Variants in COL24A1 observed in about 807,000 individuals in gnomAD.
The protein encoded by COL24A1 is collagen type XXIV alpha 1 chain, also known as collagen alpha-1(XXIV) chain.
A neutral mutation model predicts 253.9 loss-of-function variants in COL24A1; 224 were observed. The ratio of observed to expected loss-of-function variants is 0.88; its 90% CI spans 0.79 to 0.99. The LOEUF is 0.99. COL24A1 is among the 50% of genes least tolerant of loss of function. The probability of loss-of-function intolerance (pLI) is 0.00; values close to 1 mark genes in which losing one functional copy is unlikely to be tolerated. For missense variants in COL24A1, 2,131 were observed against 2,068.5 expected (o/e 1.03, Z -0.59); for synonymous variants, 685 against 673.7 (o/e 1.02, Z -0.26).
At chr1:86,016,362 C>T (rs1212570664) in intron 19 of COL24A1, among the ~76,000 whole-genome samples, 1 of 152,234 alleles carries the variant, frequency 6.6e-6, no homozygotes, top group Non-Finnish European at 1.5e-5. Flanking sequence ...TACTCTGACA[C>T]TATGACATTA....
At chr1:85,867,454 G>A (rs1489108831) in intron 37 of COL24A1, among the ~76,000 whole-genome samples, 1 of 152,202 alleles carries the variant, frequency 6.6e-6, no homozygotes, top group Admixed American at 6.5e-5. Context: ...ATGCTTAAAT[G>A]CTGTAATCTT....
At chr1:86,012,782 T>A (rs1696627132) in intron 19 of COL24A1, among the ~76,000 whole-genome samples, 1 of 152,098 alleles carries the variant, frequency 6.6e-6, no homozygotes, top group Non-Finnish European at 1.5e-5. Flanking sequence ...CTTCTCACTA[T>A]CCTCTATGAG....
intron 3 of COL24A1, among the ~76,000 whole-genome samples, chr1:86,118,878 T>G (rs1197360054): frequency 6.6e-6 from 1 of 152,108 alleles, no homozygotes; most frequent in Non-Finnish European, 1.5e-5. Flanking sequence ...CACAGTCATT[T>G]TGAGGAATTA....
intron 8 of COL24A1, among the ~76,000 whole-genome samples, chr1:86,062,811 A>G (rs960675311): frequency 3.9e-5 from 6 of 152,136 alleles, no homozygotes; most frequent in African/African-American, 1.4e-4. Flanking sequence ...GTAATTAGCA[A>G]TCTTGAAAAG....
chr1:85,736,405 A>G (rs1364356070), intron 58 of COL24A1: 6 of 456,166 alleles, frequency 1.3e-5, no homozygotes, highest in Admixed American at 7.0e-5. Context: ...CTTTCCTTCT[A>G]TGATAATCCT....
At chr1:86,137,996 G>A (rs1443886492) in intron 2 of COL24A1, among the ~76,000 whole-genome samples, 1 of 151,992 alleles carries the variant, frequency 6.6e-6, no homozygotes, top group Non-Finnish European at 1.5e-5. Flanking sequence ...TTATCTCTCT[G>A]ATCACATCTC....
intron 24 of COL24A1, among the ~76,000 whole-genome samples, chr1:85,947,604 A>T (rs1689455288): frequency 6.6e-6 from 1 of 152,172 alleles, no homozygotes; most frequent in African/African-American, 2.4e-5. Flanking sequence ...GCCTCTGATA[A>T]TTCTGTTATG....
chr1:85,774,556 A>G (rs959592092), intron 53 of COL24A1, among the ~76,000 whole-genome samples: 6 of 152,134 alleles, frequency 3.9e-5, no homozygotes, highest in African/African-American at 7.2e-5. Flanking sequence ...AGAGCTTGTT[A>G]TTGGTCTATT....
At chr1:85,986,691 T>C (rs1389168737) in intron 20 of COL24A1, among the ~76,000 whole-genome samples, 2 of 151,982 alleles carry the variant, frequency 1.3e-5, no homozygotes, top group East Asian at 3.9e-4. Flanking sequence ...CGAGATAATG[T>C]CTATGAAGCA....
chr1:85,874,483 A>T (rs1231917846), intron 35 of COL24A1, among the ~76,000 whole-genome samples, 166 bp downstream of exon 35: 1 of 152,238 alleles, frequency 6.6e-6, no homozygotes, highest in Non-Finnish European at 1.5e-5. Context: ...TAGAATAGGG[A>T]CAAGGTTTGG....
At chr1:86,046,745 C>A in intron 12 of COL24A1, 80 bp downstream of exon 12, 1 of 1,530,078 alleles carries the variant, frequency 6.5e-7, no homozygotes, top group Non-Finnish European at 8.9e-7. Context: ...CAAAAAGTAT[C>A]TTCACATTTT....
intron 7 of COL24A1, among the ~76,000 whole-genome samples, chr1:86,088,350 T>A (rs1703230075): frequency 6.6e-6 from 1 of 152,148 alleles, no homozygotes; most frequent in Admixed American, 6.5e-5. Flanking sequence ...TTATATGTAT[T>A]TAGATATCCA....
intron 19 of COL24A1, among the ~76,000 whole-genome samples, chr1:86,000,769 T>C (rs1695318153): frequency 6.6e-6 from 1 of 152,220 alleles, no homozygotes; most frequent in East Asian, 1.9e-4. Context: ...GTGGTCTTGA[T>C]TCATTTTTGT....
At position 86,124,975 on chromosome 1, in the gene COL24A1, T is replaced by A; in HGVS notation, c.1361A>T (p.Tyr454Phe). ...TTCGATGGGATAAGTAGCATCAGGA[T>A]AAAATTCACCTTCTTTCCTTAGATC... ...HLDLRKEGEF[Y>F]PDATYPIENS... Residue 454 changes from tyrosine to phenylalanine, a missense_variant, in exon 3 of 60, where the codon TAT becomes TTT. Coordinates refer to ENST00000370571, the MANE Select transcript of COL24A1 (RefSeq NM_152890.7). The A allele has an allele frequency of 6.2e-7, 1 of 1,613,270 alleles. No homozygotes were observed. Among genetic ancestry groups the A allele is most frequent in the Non-Finnish European group, 8.5e-7 (1 of 1,179,674 alleles).
At chr1:85,785,922 T>A (rs1454747825) in intron 48 of COL24A1, among the ~76,000 whole-genome samples, 1 of 152,210 alleles carries the variant, frequency 6.6e-6, no homozygotes, top group Non-Finnish European at 1.5e-5. Flanking sequence ...TTAGTTACTG[T>A]CACATTAACT....
chr1:85,859,960 TGC>T (rs1678950814), intron 37 of COL24A1, among the ~76,000 whole-genome samples: 1 of 152,062 alleles, frequency 6.6e-6, no homozygotes, highest in Non-Finnish European at 1.5e-5. Context: ...TCTTTAAAAA[TGC>T]TATTTTATAC....
chr1:85,888,447 T>C (rs193272278), intron 32 of COL24A1, among the ~76,000 whole-genome samples: 173 of 152,172 alleles, frequency 1.1e-3, no homozygotes, highest in African/African-American at 4.1e-3. Context: ...TACTTATATA[T>C]ACCAGACATT....
chr1:85,872,776 G>T (rs1230444157), intron 35 of COL24A1, among the ~76,000 whole-genome samples: 1 of 152,154 alleles, frequency 6.6e-6, no homozygotes, highest in Non-Finnish European at 1.5e-5. Context: ...ACATAGGCAT[G>T]GGCAAGGACT....
At chr1:86,048,631 C>G (rs1182804862) in intron 11 of COL24A1, among the ~76,000 whole-genome samples, 2 of 151,994 alleles carry the variant, frequency 1.3e-5, no homozygotes, top group Non-Finnish European at 2.9e-5. Context: ...GTTGGGACTA[C>G]AGGCGCCCAC....
Sources: allele counts gnomAD v4.1 joint callset (sites outside exome capture counted in the v4.1 genomes callset), GRCh38; gene constraint gnomAD v4.1.1; transcripts MANE v1.5; gene names NCBI Gene and HGNC (gene_info 2026-07-23, HGNC 2026-07-21).